The following RBFOX1 variants were observed in gnomAD, a reference collection of about 807,000 sequenced individuals.
RBFOX1 encodes RNA binding fox-1 homolog 1.
In RBFOX1, 8 loss-of-function variants were observed where a neutral mutation model predicts 57.7. That is an observed-to-expected ratio of 0.14 (90% confidence interval 0.08 to 0.25). The LOEUF (loss-of-function observed/expected upper bound fraction) is 0.25. Ranked by LOEUF, RBFOX1 falls within the 10% of genes least tolerant of loss-of-function variation. RBFOX1 has a pLI of 1.00. For missense variants in RBFOX1, 611 were observed against 548.5 expected (o/e 1.11, Z -1.14); for synonymous variants, 326 against 222.4 (o/e 1.47, Z -4.15).
rs36083057 is a variant in RBFOX1 at position 7,057,029 on chromosome 16, GAA to G, written c.27+4944_27+4945del. 8.2e-3 allele frequency among the ~76,000 whole-genome samples: 1,120 copies of G among 136,584 alleles called. 17 individuals carry two copies. The highest frequency in any genetic ancestry group is 0.027 in the African/African-American group (1,041 of 37,980). 89.6% of individuals were successfully genotyped at this position (136,584 alleles called of 152,430 possible). ...GATAAAACAACTTCGTTAAAGCACTGAAAAAAAAAAAAAATGCAGGCCTGATA... is the reference window on the plus strand; with the variant it reads ...GATAAAACAACTTCGTTAAAGCACTGAAAAAAAAAAAATGCAGGCCTGATA... On this transcript the variant is annotated intron_variant, in intron 4 of 15. Transcript: ENST00000550418.
intron 3 of RBFOX1, among the ~76,000 whole-genome samples, chr16:5,842,668 G>T (rs1029944998): frequency 1.3e-5 from 2 of 152,130 alleles, no homozygotes; most frequent in African/African-American, 4.8e-5. Flanking sequence ...TTCAAAGAAT[G>T]GATTTCTCAT....
chr16:5,717,662 C>T (rs759107716), intron 3 of RBFOX1, among the ~76,000 whole-genome samples: 3 of 152,184 alleles, frequency 2.0e-5, no homozygotes, highest in Non-Finnish European at 4.4e-5. Flanking sequence ...TCCTCCAGCT[C>T]CATCCAAGTT....
chr16:6,545,539 A>G (rs531818382), intron 2 of RBFOX1, among the ~76,000 whole-genome samples: 1 of 152,166 alleles, frequency 6.6e-6, no homozygotes, highest in African/African-American at 2.4e-5. Flanking sequence ...GTCCACTCTT[A>G]TGTCACATCT....
chr16:6,672,009 C>T (rs552124311), intron 3 of RBFOX1, among the ~76,000 whole-genome samples: 21 of 152,296 alleles, frequency 1.4e-4, no homozygotes, highest in Non-Finnish European at 2.4e-4. Flanking sequence ...CATATGTTAA[C>T]TTATGCACTG....
intron 10 of RBFOX1, among the ~76,000 whole-genome samples, chr16:7,613,058 C>T (rs909490906): frequency 6.6e-6 from 1 of 152,082 alleles, no homozygotes; most frequent in Non-Finnish European, 1.5e-5. Context: ...AACGGAAATG[C>T]AGATCTAAGA....
At chr16:6,573,084 C>T (rs1477683228) in intron 2 of RBFOX1, among the ~76,000 whole-genome samples, 1 of 152,148 alleles carries the variant, frequency 6.6e-6, no homozygotes, top group Admixed American at 6.5e-5. Flanking sequence ...TCTCGTTGAT[C>T]TGCTCCCTCA....
chr16:5,599,583 G>A (rs1484744391), exon 3 of RBFOX1: 2 of 250,026 alleles, frequency 8.0e-6, no homozygotes, highest in Non-Finnish European at 1.5e-5. Flanking sequence ...ACCTGTTTGT[G>A]TATTGTTGGT....
intron 3 of RBFOX1, among the ~76,000 whole-genome samples, chr16:6,912,716 C>G (rs1000637439): frequency 6.6e-5 from 10 of 151,764 alleles, no homozygotes; most frequent in South Asian, 2.1e-4. Flanking sequence ...CTCCTGGGCT[C>G]AAGCAAGCCT....
chr16:5,749,297 AT>A (rs1405555709), intron 3 of RBFOX1, among the ~76,000 whole-genome samples: 1 of 151,684 alleles, frequency 6.6e-6, no homozygotes, highest in East Asian at 1.9e-4. Flanking sequence ...TGCCCTTAAC[AT>A]TTTTTCCTTC....
chr16:6,834,327 C>T (rs774675666), intron 3 of RBFOX1, among the ~76,000 whole-genome samples: 8 of 152,180 alleles, frequency 5.3e-5, no homozygotes, highest in South Asian at 2.1e-4. Context: ...CCACCCACCT[C>T]GGCCTCCCAA....
At chr16:6,576,336 G>T (rs964897261) in intron 2 of RBFOX1, among the ~76,000 whole-genome samples, 1 of 152,128 alleles carries the variant, frequency 6.6e-6, no homozygotes, top group Non-Finnish European at 1.5e-5. Context: ...GCACATCTTT[G>T]GGATGTGGGA....
At chr16:5,990,179 G>C (rs540770744) in intron 4 of RBFOX1, among the ~76,000 whole-genome samples, 3 of 152,082 alleles carry the variant, frequency 2.0e-5, no homozygotes, top group Non-Finnish European at 2.9e-5. Flanking sequence ...GTGGAGATAG[G>C]GTCTCACTTT....
intron 4 of RBFOX1, among the ~76,000 whole-genome samples, chr16:5,876,785 C>A (rs1207918703): frequency 6.6e-6 from 1 of 152,194 alleles, no homozygotes; most frequent in East Asian, 1.9e-4. Context: ...AGACTCTGTG[C>A]ACCAAATTAG....
At chr16:6,518,663 C>A (rs1340215281) in intron 2 of RBFOX1, among the ~76,000 whole-genome samples, 1 of 152,104 alleles carries the variant, frequency 6.6e-6, no homozygotes, top group African/African-American at 2.4e-5. Context: ...AAGGGCCACC[C>A]GGAGTAACTG....
intron 3 of RBFOX1, among the ~76,000 whole-genome samples, chr16:5,771,534 G>A (rs565551023): frequency 3.3e-5 from 5 of 152,172 alleles, no homozygotes; most frequent in East Asian, 1.9e-4. Flanking sequence ...TCAGCCTCCC[G>A]AATAGCTGAG....
intron 2 of RBFOX1, among the ~76,000 whole-genome samples, chr16:6,445,362 A>G (rs2094463352): frequency 6.6e-6 from 1 of 152,006 alleles, no homozygotes; most frequent in South Asian, 2.1e-4. Flanking sequence ...TCACAGGGAG[A>G]CATCTGGTCA....
rs1433097828 is a variant in RBFOX1 at position 7,265,960 on chromosome 16, T to TTTG, written c.27+213864_27+213865insGTT. Among the ~76,000 whole-genome samples, 26 of 97,664 alleles carry TTTG rather than the reference T, an allele frequency of 2.7e-4. 2 individuals carry two copies. The highest frequency in any genetic ancestry group is 3.1e-4 in the Non-Finnish European group (16 of 51,386). The allele number at this position is 97,664 out of a possible 152,430, so 64.1% of individuals were successfully genotyped here. A position where few individuals can be genotyped will look rare whatever the true frequency, so the allele number is the denominator to read the frequency against. On this transcript the variant is annotated intron_variant, in intron 4 of 15. Coordinates refer to ENST00000550418, the MANE Select transcript of RBFOX1 (RefSeq NM_018723.4). ...GAGTGAGTTATGAGATCTGGTGGGT[T>TTTG]TTTGTTTTTTTTTTTTTTTTTTTTT...
At chr16:5,588,711 C>T (rs370508753) in intron 2 of RBFOX1, among the ~76,000 whole-genome samples, 2 of 152,206 alleles carry the variant, frequency 1.3e-5, no homozygotes, top group South Asian at 2.1e-4. Context: ...ACTTTATATC[C>T]AACAATGATC....
chr16:5,922,364 C>T (rs749110831), intron 4 of RBFOX1, among the ~76,000 whole-genome samples: 15 of 152,006 alleles, frequency 9.9e-5, no homozygotes, highest in South Asian at 4.2e-4. Context: ...TAGGGATGGA[C>T]GGAAGGAAGG....
Sources: gnomAD v4.1 joint callset for allele counts (sites outside exome capture counted in the v4.1 genomes callset) on GRCh38, gnomAD v4.1.1 for gene constraint, MANE v1.5 for transcripts, NCBI Gene and HGNC (gene_info 2026-07-23, HGNC 2026-07-21) for gene names.